The following NAALADL2 variants were observed in gnomAD, a reference collection of about 807,000 sequenced individuals.
The protein encoded by NAALADL2 is inactive N-acetylated-alpha-linked acidic dipeptidase-like protein 2.
In NAALADL2, 76 loss-of-function variants were observed where a neutral mutation model predicts 87.2. That is an observed-to-expected ratio of 0.87 (90% CI 0.72 to 1.05). NAALADL2 has a LOEUF of 1.05. Among genes scored for constraint, NAALADL2 ranks in the 50% least tolerant of loss-of-function variants. The probability of loss-of-function intolerance (pLI) is 0.00; values close to 1 mark genes in which losing one functional copy is unlikely to be tolerated. For missense variants in NAALADL2, 1,089 were observed against 945.8 expected (o/e 1.15, Z -1.99); for synonymous variants, 354 against 331.0 (o/e 1.07, Z -0.75).
rs752386212 is a variant in NAALADL2 at position 175,803,248 on chromosome 3, C to A, written c.*45C>A. On this transcript the variant is annotated 3_prime_UTR_variant, in exon 14 of 14. Transcript: ENST00000454872. ...AAAAGTTTGTTTACAATTCCACAAG[C>A]AAAAGCTCTAATTTAACCAGATTTT... 2 of 1,434,872 alleles carry A rather than the reference C, an allele frequency of 1.4e-6. No individual in the cohort carries two copies. Among genetic ancestry groups the A allele is most frequent in the Non-Finnish European group, 1.9e-6 (2 of 1,055,420 alleles). 88.9% of individuals were successfully genotyped at this position (1,434,872 alleles called of 1,614,324 possible).
At chr3:174,773,084 A>G (rs1401147203) in intron 3 of NAALADL2, among the ~76,000 whole-genome samples, 1 of 152,106 alleles carries the variant, frequency 6.6e-6, no homozygotes, top group Non-Finnish European at 1.5e-5. Flanking sequence ...TGCTGACCTA[A>G]AGTGACAGCA....
chr3:174,823,389 T>A (rs1384280454), intron 3 of NAALADL2, among the ~76,000 whole-genome samples: 1 of 152,222 alleles, frequency 6.6e-6, no homozygotes, highest in Non-Finnish European at 1.5e-5. Flanking sequence ...AAATACTTTA[T>A]ATTTCTTGCT....
chr3:175,479,744 G>A (rs912066802), intron 9 of NAALADL2, among the ~76,000 whole-genome samples: 1 of 151,648 alleles, frequency 6.6e-6, no homozygotes, highest in Non-Finnish European at 1.5e-5. Context: ...CTTATAACCT[G>A]ACATGAATCT....
chr3:174,787,583 AT>A (rs1560225435), intron 3 of NAALADL2, among the ~76,000 whole-genome samples: 2 of 52,168 alleles, frequency 3.8e-5, no homozygotes, highest in African/African-American at 1.4e-4. Flanking sequence ...CATCATATAT[AT>A]ATATATATAT....
intron 9 of NAALADL2, among the ~76,000 whole-genome samples, chr3:175,492,571 C>T (rs760553578): frequency 3.9e-5 from 6 of 152,182 alleles, no homozygotes; most frequent in South Asian, 2.1e-4. Flanking sequence ...AAACAGTACC[C>T]GGAGCGAAGC....
At chr3:175,305,164 T>C (rs1757542384) in intron 4 of NAALADL2, among the ~76,000 whole-genome samples, 1 of 152,124 alleles carries the variant, frequency 6.6e-6, no homozygotes. Context: ...AGAATCTAGT[T>C]ATACTTTTTA....
chr3:175,034,080 C>T (rs571938352), intron 1 of NAALADL2, among the ~76,000 whole-genome samples: 4 of 152,284 alleles, frequency 2.6e-5, no homozygotes, highest in South Asian at 4.1e-4. Context: ...AATCTTCTTT[C>T]TCTCATGCCA....
At chr3:174,689,228 AT>A (rs1210438046) in intron 2 of NAALADL2, among the ~76,000 whole-genome samples, 1 of 151,944 alleles carries the variant, frequency 6.6e-6, no homozygotes, top group East Asian at 1.9e-4. Context: ...TTGTCTAGAT[AT>A]TTTTCTATGC....
chr3:175,511,074 C>G (rs1313091309), intron 9 of NAALADL2, among the ~76,000 whole-genome samples: 1 of 152,046 alleles, frequency 6.6e-6, no homozygotes, highest in Non-Finnish European at 1.5e-5. Flanking sequence ...GTATGTAAGT[C>G]CGGGCAATAT....
At chr3:174,781,321 G>A (rs1384360923) in intron 3 of NAALADL2, among the ~76,000 whole-genome samples, 1 of 151,678 alleles carries the variant, frequency 6.6e-6, no homozygotes, top group Non-Finnish European at 1.5e-5. Context: ...TTCGAATGTT[G>A]GCCTGTCTTG....
At chr3:175,789,205 CTAA>C (rs1432861902) in intron 13 of NAALADL2, among the ~76,000 whole-genome samples, 1 of 152,126 alleles carries the variant, frequency 6.6e-6, no homozygotes, top group Non-Finnish European at 1.5e-5. Flanking sequence ...CAGTAGGTGC[CTAA>C]TAAATACTTG....
chr3:175,212,347 T>C (rs568760954), intron 2 of NAALADL2, among the ~76,000 whole-genome samples: 10 of 150,892 alleles, frequency 6.6e-5, no homozygotes, highest in African/African-American at 2.0e-4. Context: ...AAAAAAAAAA[T>C]GAGTTATATC....
chr3:174,714,232 C>T (rs112039517), intron 2 of NAALADL2, among the ~76,000 whole-genome samples: 14,918 of 152,080 alleles, frequency 0.098, 948 homozygotes, highest in Middle Eastern at 0.13. Context: ...AGTCAGGTCG[C>T]GTGATACCCC....
intron 1 of NAALADL2, among the ~76,000 whole-genome samples, chr3:174,537,574 A>C (rs1721843894): frequency 6.6e-6 from 1 of 152,200 alleles, no homozygotes; most frequent in Non-Finnish European, 1.5e-5. Context: ...AGAGTCAGGA[A>C]AACATACAAG....
At chr3:175,384,162 C>G (rs1198960722) in intron 5 of NAALADL2, among the ~76,000 whole-genome samples, 1 of 152,012 alleles carries the variant, frequency 6.6e-6, no homozygotes, top group African/African-American at 2.4e-5. Context: ...GAACTTGCCT[C>G]TAGTGAAGAA....
chr3:175,581,771 C>A (rs959721914), intron 10 of NAALADL2, among the ~76,000 whole-genome samples: 1 of 152,102 alleles, frequency 6.6e-6, no homozygotes, highest in Non-Finnish European at 1.5e-5. Context: ...ATCTCCTGAT[C>A]CTTGAAGGTC....
intron 1 of NAALADL2, among the ~76,000 whole-genome samples, chr3:174,478,514 C>T (rs2108324417): frequency 6.6e-6 from 1 of 151,864 alleles, no homozygotes; most frequent in East Asian, 1.9e-4. Context: ...TGGAATTTCT[C>T]CCCCTAATTC....
At chr3:174,904,700 A>G (rs73047019) in intron 1 of NAALADL2, among the ~76,000 whole-genome samples, 1 of 151,746 alleles carries the variant, frequency 6.6e-6, no homozygotes, top group African/African-American at 2.4e-5. Context: ...AGAGCATCCT[A>G]CTTCTGTTTA....
intron 11 of NAALADL2, among the ~76,000 whole-genome samples, chr3:175,653,791 C>T (rs1731095088): frequency 6.6e-6 from 1 of 152,098 alleles, no homozygotes; most frequent in Admixed American, 6.5e-5. Context: ...TTTTCCTTTC[C>T]ATAGAGTACT....
Sources: allele counts gnomAD v4.1 joint callset (sites outside exome capture counted in the v4.1 genomes callset), GRCh38; gene constraint gnomAD v4.1.1; transcripts MANE v1.5; gene names NCBI Gene and HGNC (gene_info 2026-07-23, HGNC 2026-07-21).